Variants in NAV1 observed in about 807,000 individuals in gnomAD.
NAV1 encodes neuron navigator 1, also known as pore membrane and/or filament interacting like protein 3.
In NAV1, 18 loss-of-function variants were observed where a neutral mutation model predicts 175.2. The ratio of observed to expected loss-of-function variants is 0.10; its 90% confidence interval spans 0.07 to 0.15. NAV1 has a LOEUF of 0.15. Among genes scored for constraint, NAV1 ranks in the 10% least tolerant of loss-of-function variants. NAV1 has a pLI of 1.00. For missense variants in NAV1, 1,731 were observed against 2,436.6 expected (o/e 0.71, Z 6.10); for synonymous variants, 897 against 978.7 (o/e 0.92, Z 1.56).
intron 3 of NAV1, among the ~76,000 whole-genome samples, chr1:201,759,885 C>T (rs1674734460): frequency 6.6e-6 from 1 of 152,096 alleles, no homozygotes; most frequent in South Asian, 2.1e-4. Flanking sequence ...ATAAACTCCC[C>T]CAGTAACAAA....
chr1:201,748,695 A>G (rs1173643866), intron 3 of NAV1, among the ~76,000 whole-genome samples: 1 of 152,204 alleles, frequency 6.6e-6, no homozygotes, highest in African/African-American at 2.4e-5. Flanking sequence ...GAGAGTCCAC[A>G]AGACCTTGGA....
At chr1:201,818,679 T>C (rs1679212205) in intron 29 of NAV1, among the ~76,000 whole-genome samples, 2 of 152,196 alleles carry the variant, frequency 1.3e-5, no homozygotes, top group Admixed American at 6.5e-5. Flanking sequence ...AAGTAGTATG[T>C]ATGGAAGCAT....
intron 25 of NAV1, 32 bp downstream of exon 29, chr1:201,811,789 C>A: frequency 6.2e-7 from 1 of 1,603,332 alleles, no homozygotes; most frequent in Admixed American, 1.7e-5. Context: ...CAAAATTCAT[C>A]GAAGTGGGAG....
chr1:201,678,265 C>T (rs1434528625), intron 1 of NAV1, among the ~76,000 whole-genome samples: 1 of 152,230 alleles, frequency 6.6e-6, no homozygotes, highest in Non-Finnish European at 1.5e-5. Context: ...TCCTACCTCT[C>T]AACGTAAGCT....
chr1:201,664,869 G>A (rs1233864600), intron 1 of NAV1, among the ~76,000 whole-genome samples: 1 of 152,116 alleles, frequency 6.6e-6, no homozygotes, highest in Non-Finnish European at 1.5e-5. Flanking sequence ...CCTGCAGCCA[G>A]GCCTGCCATC....
In NAV1 at chr1:201,812,864, CTTG is replaced by C. The variant is rs1164266903; in HGVS notation, c.5221+206_5221+208del. ...AATCACCAGAAAGCTAACCCCTCTC[CTTG>C]TTTTTTTCCCACAATTAACAGAAAA... On this transcript the variant is annotated intron_variant, in intron 27 of 29. Coordinates refer to ENST00000367296, the Ensembl canonical transcript of NAV1. The surrounding 1 kb of genome is among the most constrained non-coding windows in gnomAD (Gnocchi z 4.6). Among the ~76,000 whole-genome samples the C allele has an allele frequency of 4.6e-5, 7 of 152,182 alleles. No individual in the cohort carries two copies. Among genetic ancestry groups the C allele is most frequent in the Non-Finnish European group, 8.8e-5 (6 of 68,026 alleles).
chr1:201,598,271 T>C (rs1017223021), intron 2 of NAV1, among the ~76,000 whole-genome samples: 3 of 152,122 alleles, frequency 2.0e-5, no homozygotes, highest in Non-Finnish European at 4.4e-5. Context: ...GGTGTGTGGA[T>C]AAATGATAAA....
At position 201,788,342 on chromosome 1, in the gene NAV1, C is replaced by A; in HGVS notation, c.2996-126C>A. On this transcript the variant is annotated intron_variant, in intron 9 of 29. Coordinates refer to ENST00000367296, the Ensembl canonical transcript of NAV1. The surrounding 1 kb of genome is among the most constrained non-coding windows in gnomAD (Gnocchi z 5.7). ...ACCGCACCTGCCCCTTCCTCTCCTG[C>A]CCTCTCCCCATTTGCCTCTCATGCT... 1.0e-6 allele frequency: 1 copy of A among 956,172 alleles called. No homozygotes were observed. The highest frequency in any genetic ancestry group is 1.6e-6 in the Non-Finnish European group (1 of 616,746). The allele number at this position is 956,172 out of a possible 1,614,324, so 59.2% of individuals were successfully genotyped here. A position where few individuals can be genotyped will look rare whatever the true frequency, so the allele number is the denominator to read the frequency against.
rs188039300 is a variant in NAV1, at chr1:201,557,489, C to T, written c.-144+18147C>T. On this transcript the variant is annotated intron_variant, in intron 1 of 33. Transcript: ENST00000685211. Reference sequence around the variant, plus strand: ...GATCACTTACAAAGCTGCACTGTGGCCCCAGAGGTTCCCCTGGGCTAGTCT... The same window carrying T: ...GATCACTTACAAAGCTGCACTGTGGTCCCAGAGGTTCCCCTGGGCTAGTCT... Among the ~76,000 whole-genome samples, 102 of 152,250 alleles carry T rather than the reference C, an allele frequency of 6.7e-4. 1 individual carries two copies. The East Asian group carries it at 0.018, about 27-fold the overall frequency.
At chr1:201,590,156 G>T (rs1367159389) in intron 2 of NAV1, among the ~76,000 whole-genome samples, 1 of 152,204 alleles carries the variant, frequency 6.6e-6, no homozygotes. Context: ...GCCTCCCAAA[G>T]TACTGGGATT....
chr1:201,649,356 A>G, exon 1 of NAV1: 1 of 1,609,242 alleles, frequency 6.2e-7, no homozygotes, highest in Non-Finnish European at 8.5e-7. Context: ...CGCCTTCCTC[A>G]AGGTGGACCC....
chr1:201,546,399 AG>A (rs1421706122), intron 1 of NAV1, among the ~76,000 whole-genome samples: 1 of 152,208 alleles, frequency 6.6e-6, no homozygotes, highest in Non-Finnish European at 1.5e-5. Flanking sequence ...CGCAGTTCCC[AG>A]GGGGAGGGGA....
At chr1:201,786,516 G>A (rs1213856508) in exon 9 of NAV1, 1 of 1,614,020 alleles carries the variant, frequency 6.2e-7, no homozygotes, top group Non-Finnish European at 8.5e-7. Context: ...ACCAGTCAGA[G>A]CTGCCTTCTC....
intron 22 of NAV1, among the ~76,000 whole-genome samples, 154 bp downstream of exon 26, chr1:201,809,691 C>A (rs924291739): frequency 1.3e-5 from 2 of 152,184 alleles, no homozygotes; most frequent in Non-Finnish European, 2.9e-5. Flanking sequence ...TTAAGTAATT[C>A]TCCTGTCGCA....
intron 1 of NAV1, among the ~76,000 whole-genome samples, chr1:201,580,073 T>C (rs1666803826): frequency 1.3e-5 from 2 of 152,344 alleles, no homozygotes; most frequent in South Asian, 4.1e-4. Context: ...GTTCTTGATG[T>C]CCAAGGGCAA....
At chr1:201,646,664 A>C (rs1200243358), upstream of NAV1, among the ~76,000 whole-genome samples, 1 of 152,112 alleles carries the variant, frequency 6.6e-6, no homozygotes, top group Non-Finnish European at 1.5e-5. Flanking sequence ...GTCACGGCAG[A>C]TTTTATGGCA....
chr1:201,601,474 C>G (rs1391510470), intron 2 of NAV1, among the ~76,000 whole-genome samples: 24 of 152,034 alleles, frequency 1.6e-4, no homozygotes, highest in Admixed American at 1.6e-3. Flanking sequence ...GGGAGTGAGA[C>G]CTTGTCTAAA....
intron 1 of NAV1, among the ~76,000 whole-genome samples, chr1:201,692,644 A>G (rs1462048322): frequency 6.6e-6 from 1 of 152,234 alleles, no homozygotes; most frequent in Non-Finnish European, 1.5e-5. Context: ...AGGGAGGAAG[A>G]CAAAGGCTCA....
chr1:201,703,025 C>A (rs1385144044), intron 1 of NAV1, among the ~76,000 whole-genome samples: 1 of 152,076 alleles, frequency 6.6e-6, no homozygotes, highest in African/African-American at 2.4e-5. Flanking sequence ...ACCAGAAATC[C>A]CCCAGGGCCT....
Sources: allele counts gnomAD v4.1 joint callset (sites outside exome capture counted in the v4.1 genomes callset), GRCh38; gene constraint gnomAD v4.1.1; non-coding constraint Gnocchi (gnomAD v3.1); transcripts MANE v1.5; gene names NCBI Gene and HGNC (gene_info 2026-07-23, HGNC 2026-07-21).